The following JAK1 variants were observed in gnomAD, a reference collection of about 807,000 sequenced individuals.
JAK1 encodes the protein tyrosine-protein kinase JAK1.
Under a neutral mutation model 136.6 loss-of-function variants are expected in JAK1, and 16 were observed. That is an observed-to-expected ratio of 0.12 (90% confidence interval 0.08 to 0.18). The LOEUF (loss-of-function observed/expected upper bound fraction) is 0.18. JAK1 is among the 10% of genes least tolerant of loss of function. JAK1 has a pLI of 1.00. For missense variants in JAK1, 859 were observed against 1,450.1 expected (o/e 0.59, Z 6.62); for synonymous variants, 492 against 519.5 (o/e 0.95, Z 0.72).
chr1:64,914,310 A>G (rs1477932775), intron 1 of JAK1, among the ~76,000 whole-genome samples: 1 of 152,228 alleles, frequency 6.6e-6, no homozygotes, highest in Non-Finnish European at 1.5e-5. Context: ...AAGAGGGAAC[A>G]ATTTTAATAT....
intron 1 of JAK1, among the ~76,000 whole-genome samples, chr1:64,916,450 T>G (rs1645397267): frequency 6.6e-6 from 1 of 152,154 alleles, no homozygotes; most frequent in African/African-American, 2.4e-5. Context: ...CCTATATGAT[T>G]GTCAAAACAG....
At chr1:64,893,908 C>A (rs1288756957) in intron 1 of JAK1, among the ~76,000 whole-genome samples, 1 of 152,156 alleles carries the variant, frequency 6.6e-6, no homozygotes, top group Non-Finnish European at 1.5e-5. Flanking sequence ...TGAATCCTTC[C>A]ACCCCTTGCT....
At chr1:64,860,320 T>G in intron 8 of JAK1, 58 bp from the exon 9 acceptor site, 6 of 1,490,802 alleles carry the variant, frequency 4.0e-6, no homozygotes, top group Non-Finnish European at 5.5e-6. Context: ...CTTAAGTGGC[T>G]GACTCTGTAG....
chr1:64,977,851 C>A (rs192874548), intron 2 of JAK1, among the ~76,000 whole-genome samples: 11 of 150,544 alleles, frequency 7.3e-5, no homozygotes, highest in African/African-American at 2.5e-4. Context: ...GGCTTCCCTA[C>A]TGTGGGATCT....
chr1:65,050,944 T>C (rs1647267784), intron 1 of JAK1, among the ~76,000 whole-genome samples: 1 of 152,188 alleles, frequency 6.6e-6, no homozygotes, highest in Non-Finnish European at 1.5e-5. Context: ...TTTGAGGATT[T>C]CAATGAGGAT....
At chr1:64,924,809 T>C (rs983577514) in intron 1 of JAK1, among the ~76,000 whole-genome samples, 18 of 152,094 alleles carry the variant, frequency 1.2e-4, no homozygotes, top group African/African-American at 4.3e-4. Context: ...ATAATGATGA[T>C]CTAAAACCAG....
intron 1 of JAK1, among the ~76,000 whole-genome samples, chr1:64,947,498 T>G (rs1013430069): frequency 1.3e-5 from 2 of 152,118 alleles, no homozygotes; most frequent in African/African-American, 2.4e-5. Flanking sequence ...TGGCAGAACA[T>G]AAGACCAATG....
intron 1 of JAK1, among the ~76,000 whole-genome samples, chr1:64,912,776 G>A (rs886434479): frequency 2.6e-5 from 4 of 152,168 alleles, no homozygotes; most frequent in African/African-American, 9.7e-5. Flanking sequence ...ACTTCTAAAA[G>A]GAATCAGCAG....
At chr1:64,888,355 TA>T (rs1414846513) in intron 1 of JAK1, among the ~76,000 whole-genome samples, 1 of 152,146 alleles carries the variant, frequency 6.6e-6, no homozygotes, top group Non-Finnish European at 1.5e-5. Context: ...CTATTTTTTG[TA>T]TTTTTAGTAG....
intron 2 of JAK1, among the ~76,000 whole-genome samples, chr1:64,980,419 A>AT (rs1323802994): frequency 6.6e-6 from 1 of 151,502 alleles, no homozygotes; most frequent in African/African-American, 2.4e-5. Context: ...TGCTTTCTCC[A>AT]TTTTCCCTCT....
chr1:64,997,128 G>A (rs1213773143), intron 2 of JAK1, among the ~76,000 whole-genome samples: 1 of 152,160 alleles, frequency 6.6e-6, no homozygotes, highest in African/African-American at 2.4e-5. Context: ...ACTAGTAAAA[G>A]TAAACACAAA....
At chr1:64,967,216 G>GTCAA (rs1336550906), upstream of JAK1, among the ~76,000 whole-genome samples, 5 of 152,148 alleles carry the variant, frequency 3.3e-5, no homozygotes, top group Non-Finnish European at 7.4e-5. Context: ...TCTTAATCAA[G>GTCAA]GTCACACTGT....
intron 2 of JAK1, among the ~76,000 whole-genome samples, chr1:65,043,539 G>GT (rs1647154283): frequency 6.6e-6 from 1 of 151,608 alleles, no homozygotes; most frequent in South Asian, 2.1e-4. Flanking sequence ...GTTTGTTTTT[G>GT]TTTTTTGTTT....
At chr1:64,916,940 C>CATGTCTGAAT (rs1236499789) in intron 1 of JAK1, among the ~76,000 whole-genome samples, 1 of 151,736 alleles carries the variant, frequency 6.6e-6, no homozygotes, top group African/African-American at 2.4e-5. Context: ...CAGACAGTCA[C>CATGTCTGAAT]ATGTCTGAAT....
intron 2 of JAK1, among the ~76,000 whole-genome samples, chr1:64,999,420 C>T (rs1471656794): frequency 6.6e-6 from 1 of 152,162 alleles, no homozygotes; most frequent in Admixed American, 6.6e-5. Flanking sequence ...CATTAACTTC[C>T]TCTCACTTCT....
intron 2 of JAK1, among the ~76,000 whole-genome samples, chr1:64,986,723 G>A (rs76101457): frequency 0.045 from 6,807 of 151,872 alleles, 354 homozygotes; most frequent in East Asian, 0.27. Context: ...GAGAGAGACC[G>A]TCTCTACAAA....
intron 19 of JAK1, among the ~76,000 whole-genome samples, 166 bp from the exon 20 acceptor site, chr1:64,839,961 C>T (rs1215611114): frequency 1.3e-5 from 2 of 152,226 alleles, no homozygotes; most frequent in East Asian, 3.9e-4. Context: ...TCACTACAGC[C>T]CCCTCGCTCT....
chr1:64,847,704 C>G lies in JAK1; in HGVS notation c.1756-29G>C, dbSNP rs145077670. On this transcript the variant is annotated intron_variant, in intron 12 of 24. Transcript: ENST00000342505. The stretch of plus-strand genomic sequence containing the variant: ...AGGGAAGAAGCAGAAGGCTGGGTGA[C>G]CTCTCTGTGCCCTGAAGTGATGGAC... The G allele has an allele frequency of 3.2e-3, 5,081 of 1,609,884 alleles. 21 individuals are homozygous for G. Among genetic ancestry groups the G allele is most frequent in the Non-Finnish European group, 4.0e-3 (4,688 of 1,178,054 alleles).
intron 22 of JAK1, 62 bp downstream of exon 22, chr1:64,837,870 C>T: frequency 7.3e-7 from 1 of 1,367,048 alleles, no homozygotes; most frequent in Non-Finnish European, 1.0e-6. Flanking sequence ...CCAGAAAGGG[C>T]CTATTAAAAC....
Sources: allele counts gnomAD v4.1 joint callset (sites outside exome capture counted in the v4.1 genomes callset), GRCh38; gene constraint gnomAD v4.1.1; transcripts MANE v1.5; gene names NCBI Gene and HGNC (gene_info 2026-07-23, HGNC 2026-07-21).